WWOX: variants seen among roughly 807,000 people sequenced by gnomAD.
The protein encoded by WWOX is WW domain-containing oxidoreductase.
A neutral mutation model predicts 46.2 loss-of-function variants in WWOX; 69 were observed. The observed-to-expected ratio is 1.49, with a 90% CI of 1.23 to 1.82. The LOEUF (loss-of-function observed/expected upper bound fraction) is 1.82. Ranked by LOEUF, WWOX falls within the 40% of genes most tolerant of loss-of-function variation. The pLI is 0.00. For synonymous variants in WWOX, 359 were observed against 202.6 expected (o/e 1.77, Z -6.56); for missense variants, 919 against 542.6 (o/e 1.69, Z -6.89).
intron 8 of WWOX, among the ~76,000 whole-genome samples, chr16:78,732,788 G>T (rs1217856337): frequency 1.3e-5 from 2 of 152,124 alleles, no homozygotes; most frequent in African/African-American, 4.8e-5. Context: ...GTTTTCTTAT[G>T]GTTTTGGAAT....
chr16:79,070,377 T>C (rs2048527279), intron 8 of WWOX, among the ~76,000 whole-genome samples: 1 of 151,990 alleles, frequency 6.6e-6, no homozygotes, highest in South Asian at 2.1e-4. Flanking sequence ...GCTTTTAAAG[T>C]GTCCTCCAGC....
At chr16:78,771,358 C>G (rs1432654449) in intron 8 of WWOX, among the ~76,000 whole-genome samples, 1 of 152,130 alleles carries the variant, frequency 6.6e-6, no homozygotes, top group East Asian at 1.9e-4. Flanking sequence ...CATGCCCAAC[C>G]TAAATATATG....
chr16:78,932,386 G>A (rs957069207), intron 8 of WWOX, among the ~76,000 whole-genome samples: 1 of 152,146 alleles, frequency 6.6e-6, no homozygotes, highest in Non-Finnish European at 1.5e-5. Context: ...GTTTTTCTTT[G>A]TATAGACAGC....
intron 8 of WWOX, among the ~76,000 whole-genome samples, chr16:78,623,954 A>C (rs2046249814): frequency 6.6e-6 from 1 of 152,280 alleles, no homozygotes; most frequent in South Asian, 2.1e-4. Flanking sequence ...CTACAGGTCA[A>C]GTTGGGACTT....
chr16:78,943,393 C>T (rs1264725544), intron 8 of WWOX, among the ~76,000 whole-genome samples: 3 of 148,310 alleles, frequency 2.0e-5, no homozygotes, highest in Non-Finnish European at 1.5e-5. Context: ...CCGACTGCAT[C>T]GCCACTCCCC....
chr16:78,565,492 C>T (rs1445117134), intron 8 of WWOX, among the ~76,000 whole-genome samples: 1 of 152,208 alleles, frequency 6.6e-6, no homozygotes, highest in Non-Finnish European at 1.5e-5. Flanking sequence ...TCCGTTGTCC[C>T]ATCACATTCT....
chr16:78,914,820 A>G (rs1006955144), intron 8 of WWOX, among the ~76,000 whole-genome samples: 1 of 144,938 alleles, frequency 6.9e-6, no homozygotes, highest in Non-Finnish European at 1.5e-5. Flanking sequence ...CGGAGCTTGC[A>G]GTGAGCCAGG....
intron 8 of WWOX, chr16:78,890,844 T>C (rs1337575191): frequency 6.6e-6 from 1 of 152,232 alleles, no homozygotes; most frequent in African/African-American, 2.4e-5. Flanking sequence ...TTTAGTAAAA[T>C]GCGTTCATAG....
At chr16:78,780,712 C>T (rs1356733039) in intron 8 of WWOX, among the ~76,000 whole-genome samples, 3 of 152,132 alleles carry the variant, frequency 2.0e-5, no homozygotes, top group Non-Finnish European at 1.5e-5. Flanking sequence ...AACGGAAGTG[C>T]AGGGTCCCTG....
chr16:79,095,625 C>T (rs1297424326), intron 8 of WWOX, among the ~76,000 whole-genome samples: 1 of 152,160 alleles, frequency 6.6e-6, no homozygotes. Flanking sequence ...AGTCGATCTT[C>T]TTGGGACATG....
intron 8 of WWOX, among the ~76,000 whole-genome samples, chr16:78,953,565 T>G (rs1014465169): frequency 2.0e-5 from 3 of 152,182 alleles, no homozygotes; most frequent in African/African-American, 7.2e-5. Flanking sequence ...CCCAGGGGAC[T>G]CATTGACGGC....
chr16:78,858,973 C>A (rs2052637251), intron 8 of WWOX, among the ~76,000 whole-genome samples: 2 of 132,354 alleles, frequency 1.5e-5, no homozygotes, highest in African/African-American at 2.9e-5. Context: ...GCCACCACGG[C>A]TGGCCAATAT....
chr16:79,024,582 C>T (rs996193590), intron 8 of WWOX, among the ~76,000 whole-genome samples: 1 of 152,074 alleles, frequency 6.6e-6, no homozygotes, highest in Non-Finnish European at 1.5e-5. Flanking sequence ...TACAGGCACC[C>T]ACCACCATGC....
intron 5 of WWOX, among the ~76,000 whole-genome samples, chr16:78,315,652 A>G (rs1178112251): frequency 8.4e-6 from 1 of 118,774 alleles, no homozygotes; most frequent in Non-Finnish European, 1.8e-5. Flanking sequence ...TGTCTCAAAA[A>G]AGAATAAAAA....
chr16:79,076,491 G>A lies in WWOX; in HGVS notation c.1057-135117G>A, dbSNP rs35963393. Among the ~76,000 whole-genome samples, 37 of 152,122 alleles carry A rather than the reference G, an allele frequency of 2.4e-4. 1 individual carries two copies. The highest frequency in any genetic ancestry group is 1.6e-4 in the Non-Finnish European group (11 of 68,024). On this transcript the variant is annotated intron_variant, in intron 8 of 8. Coordinates refer to ENST00000566780, the MANE Select transcript of WWOX (RefSeq NM_016373.4). Reference sequence around the variant, plus strand: ...TCAAAAAAATGCTGCTGGCTCCTTGGCTTGTCCGGTGCATCCTCCGTGCCA... The same window carrying A: ...TCAAAAAAATGCTGCTGGCTCCTTGACTTGTCCGGTGCATCCTCCGTGCCA...
intron 8 of WWOX, among the ~76,000 whole-genome samples, chr16:78,915,900 T>G (rs2045239691): frequency 6.6e-6 from 1 of 152,208 alleles, no homozygotes. Flanking sequence ...AAGCCTGAAT[T>G]TTAATTTGCT....
chr16:78,158,876 G>C (rs541157504), intron 4 of WWOX, among the ~76,000 whole-genome samples: 1 of 152,106 alleles, frequency 6.6e-6, no homozygotes, highest in South Asian at 2.1e-4. Context: ...AGATCTCTAG[G>C]GCTTTTCCAT....
At chr16:78,262,914 G>C (rs1237428720) in intron 5 of WWOX, among the ~76,000 whole-genome samples, 3 of 152,176 alleles carry the variant, frequency 2.0e-5, no homozygotes, top group African/African-American at 4.8e-5. Context: ...CATTCCCTGA[G>C]GGCTTTGAAA....
In WWOX at chr16:78,571,939, C is replaced by A. The variant is rs557342810; in HGVS notation, c.1056+139187C>A. Among the ~76,000 whole-genome samples the A allele has an allele frequency of 5.9e-5, 9 of 152,224 alleles. No homozygotes were observed. The South Asian group carries it at 1.7e-3, about 28-fold the overall frequency. Reference sequence around the variant, plus strand: ...CACCAGATTGGCAAAACGTTAAGTACTAAGGTCATAACAAGCACTGGAAGG... The same window carrying A: ...CACCAGATTGGCAAAACGTTAAGTAATAAGGTCATAACAAGCACTGGAAGG... On this transcript the variant is annotated intron_variant, in intron 8 of 8. Transcript: ENST00000566780.
Sources: gnomAD v4.1 joint callset for allele counts (sites outside exome capture counted in the v4.1 genomes callset) on GRCh38, gnomAD v4.1.1 for gene constraint, MANE v1.5 for transcripts, NCBI Gene and HGNC (gene_info 2026-07-23, HGNC 2026-07-21) for gene names.